Variants in PUM1 observed in about 807,000 individuals in gnomAD.
The protein encoded by PUM1 is pumilio RNA binding family member 1, also known as pumilio homolog 1.
A neutral mutation model predicts 131.8 loss-of-function variants in PUM1; 13 were observed. The observed-to-expected ratio is 0.10, with a 90% CI of 0.06 to 0.16. The LOEUF is 0.16. Ranked by LOEUF, PUM1 falls within the 10% of genes least tolerant of loss-of-function variation. The pLI is 1.00. For synonymous variants in PUM1, 509 were observed against 556.5 expected, an observed-to-expected ratio of 0.91 and a Z score of 1.20; for missense variants, 961 against 1,512.4, an observed-to-expected ratio of 0.64 and a Z score of 6.05.
intron 9 of PUM1, among the ~76,000 whole-genome samples, chr1:30,979,419 GATAGAGCCCT>G (rs1158915371): frequency 1.3e-5 from 2 of 152,172 alleles, no homozygotes; most frequent in African/African-American, 2.4e-5. Context: ...GAGGCATGGT[GATAGAGCCCT>G]ATATACTGTG....
intron 11 of PUM1, 69 bp downstream of exon 11, chr1:30,968,285 C>T: frequency 6.3e-7 from 1 of 1,591,108 alleles, no homozygotes; most frequent in Non-Finnish European, 8.6e-7. Flanking sequence ...GCTCATTCCC[C>T]TCTGTAATCA....
intron 14 of PUM1, among the ~76,000 whole-genome samples, chr1:30,959,736 T>C (rs1032515763): frequency 4.6e-5 from 7 of 151,586 alleles, no homozygotes; most frequent in African/African-American, 7.3e-5. Context: ...TGAAACCCCA[T>C]CTCTACAAAA....
chr1:31,022,475 G>A (rs1192589259), intron 3 of PUM1, among the ~76,000 whole-genome samples: 1 of 152,230 alleles, frequency 6.6e-6, no homozygotes, highest in East Asian at 1.9e-4. Flanking sequence ...TCTTCCCAGT[G>A]CAGGTTAGAA....
rs376435572 is a variant in PUM1 at position 30,932,664 on chromosome 1, TA to T, written c.*546del. 0.3 allele frequency: 42,254 copies of T among 142,180 alleles called. 6,345 individuals are homozygous for T. The highest frequency in any genetic ancestry group is 0.35 in the Non-Finnish European group (23,162 of 66,208). 8.8% of individuals were successfully genotyped at this position (142,180 alleles called of 1,614,324 possible). ...TTATATATATATATATATATATATA[TA>T]TTTTTTATAAACAGTGTTAAATGCC... is the stretch of plus-strand genomic sequence containing the variant. On this transcript the variant is annotated 3_prime_UTR_variant, in exon 22 of 22. Transcript: ENST00000426105.
chr1:31,040,990 G>T (rs764230762), intron 2 of PUM1, among the ~76,000 whole-genome samples: 4 of 152,174 alleles, frequency 2.6e-5, no homozygotes, highest in Non-Finnish European at 4.4e-5. Context: ...AGGAAAGCCA[G>T]TGAGAAGACT....
chr1:30,972,696 C>T (rs1640968047), intron 10 of PUM1, among the ~76,000 whole-genome samples: 1 of 151,082 alleles, frequency 6.6e-6, no homozygotes, highest in South Asian at 2.1e-4. Flanking sequence ...ATCACTTGAA[C>T]CCAGGAGGCA....
intron 9 of PUM1, among the ~76,000 whole-genome samples, chr1:30,978,286 G>C (rs545847242): frequency 6.6e-6 from 1 of 152,242 alleles, no homozygotes; most frequent in African/African-American, 2.4e-5. Flanking sequence ...AGCTGTCTGA[G>C]CCACAAATTT....
At chr1:31,028,081 A>G (rs1643289077) in intron 3 of PUM1, among the ~76,000 whole-genome samples, 1 of 152,232 alleles carries the variant, frequency 6.6e-6, no homozygotes, top group Non-Finnish European at 1.5e-5. Context: ...TTATTGTCAC[A>G]GCTACAATAG....
rs35507851 is a variant in PUM1 at position 31,038,984 on chromosome 1, A to ATTT, written c.364-10123_364-10121dup. 2.8e-4 allele frequency among the ~76,000 whole-genome samples: 14 copies of ATTT among 49,406 alleles called. 1 individual carries two copies. The highest frequency in any genetic ancestry group is 1.2e-3 in the African/African-American group (6 of 4,830). 32.4% of individuals were successfully genotyped at this position (49,406 alleles called of 152,430 possible). On this transcript the variant is annotated intron_variant, in intron 2 of 21. Transcript: ENST00000426105. Reference sequence around the variant, plus strand: ...TATATATATATATATATATATATATATTTTTTTTTTTTTTTTCCTTTTCTC... The same window carrying ATTT: ...TATATATATATATATATATATATATATTTTTTTTTTTTTTTTTTTCCTTTTCTC...
At chr1:30,982,437 T>C (rs951828618) in intron 7 of PUM1, among the ~76,000 whole-genome samples, 4 of 152,244 alleles carry the variant, frequency 2.6e-5, no homozygotes, top group African/African-American at 9.6e-5. Flanking sequence ...ATCACCTTAA[T>C]GGGCCTCCTT....
At chr1:31,029,868 C>G (rs1030994872) in intron 2 of PUM1, among the ~76,000 whole-genome samples, 1 of 146,632 alleles carries the variant, frequency 6.8e-6, no homozygotes, top group Non-Finnish European at 1.5e-5. Context: ...GAGCCGTGAT[C>G]GCACCACTGG....
At chr1:30,964,567 A>G (rs1486894108) in intron 14 of PUM1, 107 bp downstream of exon 14, 3 of 930,370 alleles carry the variant, frequency 3.2e-6, no homozygotes, top group East Asian at 4.8e-5. Flanking sequence ...CACCCAGGAC[A>G]CTTCTAGTAT....
chr1:30,981,119 A>T lies in PUM1; in HGVS notation c.1252+193T>A, dbSNP rs6657816. On this transcript the variant is annotated intron_variant, in intron 8 of 21. Transcript: ENST00000426105. ...GGCTGAACACTGAAGAAATGTTATG[A>T]TGCGGGTCTACAAGCTATGTCAAAA... 8.4e-3 allele frequency among the ~76,000 whole-genome samples: 1,280 copies of T among 152,344 alleles called. 7 individuals are homozygous for T. The highest frequency in any genetic ancestry group is 0.031 in the Middle Eastern group (9 of 294).
In PUM1 at chr1:30,953,878, G is replaced by A. The variant is rs748863617; in HGVS notation, c.2427C>T (p.Ser809=). The change falls in exon 15 of 22, where the codon AGC becomes AGT. Residue 809 remains serine, a synonymous_variant. Coordinates refer to ENST00000426105, the MANE Select transcript of PUM1 (RefSeq NM_001020658.2). ...GCAAACGAGAGGAAGAGAAAAGAGT[G>A]CTGCTCGGGCTGAAGAGGCTGGAGG... ...SSASSLFSPS[S]TLFSSSRLRY... 4 of 1,614,258 alleles carry A rather than the reference G, an allele frequency of 2.5e-6. No homozygotes were observed. In the South Asian group the frequency reaches 3.3e-5, roughly 13 times the overall value.
intron 3 of PUM1, among the ~76,000 whole-genome samples, chr1:31,017,872 T>C (rs1176774489): frequency 1.3e-5 from 2 of 152,142 alleles, no homozygotes; most frequent in African/African-American, 4.8e-5. Flanking sequence ...AAAAGATTGA[T>C]CTGACAGTCC....
chr1:30,968,774 A>G (rs538255390), intron 10 of PUM1, among the ~76,000 whole-genome samples: 11 of 152,360 alleles, frequency 7.2e-5, no homozygotes, highest in East Asian at 1.9e-4. Context: ...TCTGCCTCAT[A>G]AAGTTCTTGT....
At chr1:30,962,951 A>G (rs767958880) in intron 14 of PUM1, among the ~76,000 whole-genome samples, 33 of 152,320 alleles carry the variant, frequency 2.2e-4, no homozygotes, top group East Asian at 1.9e-4. Flanking sequence ...AAACCAAGAA[A>G]TTAAAAGATA....
intron 2 of PUM1, among the ~76,000 whole-genome samples, chr1:31,050,158 A>C (rs1234057799): frequency 2.0e-5 from 3 of 152,138 alleles, no homozygotes; most frequent in Non-Finnish European, 2.9e-5. Flanking sequence ...CACTGGAACA[A>C]GGTAATTCTT....
intron 3 of PUM1, among the ~76,000 whole-genome samples, chr1:31,020,591 C>A (rs976825219): frequency 2.0e-5 from 3 of 152,106 alleles, no homozygotes; most frequent in Non-Finnish European, 2.9e-5. Context: ...ACCCCCAAAG[C>A]AGGAAGCAAA....
Sources: allele counts gnomAD v4.1 joint callset (sites outside exome capture counted in the v4.1 genomes callset), GRCh38; gene constraint gnomAD v4.1.1; transcripts MANE v1.5; gene names NCBI Gene and HGNC (gene_info 2026-07-23, HGNC 2026-07-21).